MID1: variants seen among roughly 807,000 people sequenced by gnomAD.
MID1 encodes E3 ubiquitin-protein ligase Midline-1.
In MID1, 7 loss-of-function variants were observed where a neutral mutation model predicts 40.4. The ratio of observed to expected loss-of-function variants is 0.17; its 90% CI spans 0.10 to 0.33. The LOEUF is 0.33. Ranked by LOEUF, MID1 falls within the 10% of genes least tolerant of loss-of-function variation. MID1 has a pLI of 1.00. For missense variants in MID1, 367 were observed against 558.5 expected (o/e 0.66, Z 3.46); for synonymous variants, 229 against 221.2 (o/e 1.04, Z -0.31).
At position 10,620,449 on chromosome X, in the gene MID1, C is replaced by T. The variant is rs1423084359; in HGVS notation, c.-216G>A. 1 of 113,017 alleles carries T rather than the reference C, an allele frequency of 8.8e-6. No homozygotes were observed. The highest frequency in any genetic ancestry group is 1.9e-5 in the Non-Finnish European group (1 of 53,315). 9.3% of individuals were successfully genotyped at this position (113,017 alleles called of 1,213,427 possible). On this transcript the variant is annotated 5_prime_UTR_variant, in exon 1 of 10. Transcript: ENST00000317552. ...GGGCAGCAAAGAGCACGTTTTCGTC[C>T]TCTTTTTCTTTGATCTGTTGCTACA... is the stretch of plus-strand genomic sequence containing the variant.
intron 1 of MID1, among the ~76,000 whole-genome samples, chrX:10,661,848 T>A (rs186641109): frequency 8.9e-6 from 1 of 111,814 alleles, no homozygotes; most frequent in East Asian, 2.8e-4. Flanking sequence ...CCCCGAATTT[T>A]CAACTTGTTC....
upstream of MID1, chrX:10,620,614 C>T (rs776988089): frequency 8.9e-6 from 1 of 111,883 alleles, no homozygotes; most frequent in African/African-American, 3.3e-5. Context: ...TGGCTTGGGC[C>T]GCGGAGGAGC....
chrX:10,506,195 A>G, intron 3 of MID1: 1 of 954,514 alleles, frequency 1.0e-6, no homozygotes, highest in Non-Finnish European at 1.3e-6. Context: ...TTCAAACACA[A>G]TGAAAGAGAC....
At chrX:10,540,997 C>A (rs1933448368) in intron 2 of MID1, among the ~76,000 whole-genome samples, 1 of 112,114 alleles carries the variant, frequency 8.9e-6, no homozygotes, top group Non-Finnish European at 1.9e-5. Context: ...AATTTCAGAG[C>A]TATGCGGGTG....
At chrX:10,597,984 A>G (rs1935445433) in intron 1 of MID1, among the ~76,000 whole-genome samples, 1 of 111,693 alleles carries the variant, frequency 9.0e-6, no homozygotes, top group Non-Finnish European at 1.9e-5. Flanking sequence ...TTTTGAGGGC[A>G]GATGAACACA....
chrX:10,642,206 A>T (rs1363964005), intron 1 of MID1, among the ~76,000 whole-genome samples: 3 of 111,968 alleles, frequency 2.7e-5, no homozygotes, highest in Non-Finnish European at 5.6e-5. Context: ...GTATTCAATT[A>T]GGAAAAGAGG....
chrX:10,699,221 T>A (rs935554427), intron 1 of MID1, among the ~76,000 whole-genome samples: 2 of 112,097 alleles, frequency 1.8e-5, no homozygotes, highest in African/African-American at 6.5e-5. Context: ...ATTTTTTTCC[T>A]TCTCAACATG....
intron 1 of MID1, among the ~76,000 whole-genome samples, chrX:10,615,606 C>T (rs969898167): frequency 2.7e-5 from 3 of 111,515 alleles, no homozygotes; most frequent in African/African-American, 6.5e-5. Flanking sequence ...TTTTGTTCTG[C>T]GCCTCAATTT....
chrX:10,674,958 C>T (rs1193131327), intron 1 of MID1, among the ~76,000 whole-genome samples: 2 of 112,227 alleles, frequency 1.8e-5, no homozygotes, highest in Non-Finnish European at 3.8e-5. Context: ...AATGTGCATG[C>T]AAAGAAACTG....
At chrX:10,697,001 C>A (rs2043167025) in intron 1 of MID1, among the ~76,000 whole-genome samples, 1 of 112,015 alleles carries the variant, frequency 8.9e-6, no homozygotes, top group African/African-American at 3.3e-5. Context: ...AGTAAGAAAT[C>A]TTTACTTTCT....
At chrX:10,564,244 T>G (rs1934442145) in intron 2 of MID1, among the ~76,000 whole-genome samples, 1 of 111,959 alleles carries the variant, frequency 8.9e-6, no homozygotes, top group African/African-American at 3.2e-5. Flanking sequence ...TTCCTTGGTT[T>G]TGGTCCTCTT....
chrX:10,644,302 A>G (rs1452858322), intron 1 of MID1, among the ~76,000 whole-genome samples: 1 of 110,639 alleles, frequency 9.0e-6, no homozygotes, highest in African/African-American at 3.3e-5. Flanking sequence ...TCTCATTAAA[A>G]AAAAGAACCA....
intron 2 of MID1, among the ~76,000 whole-genome samples, chrX:10,547,458 G>A: frequency 9.4e-6 from 1 of 106,724 alleles, no homozygotes; most frequent in Non-Finnish European, 1.9e-5. Context: ...TGTAATCCTA[G>A]CTACTCGGGA....
intron 1 of MID1, among the ~76,000 whole-genome samples, chrX:10,591,000 T>C (rs959923178): frequency 5.4e-5 from 6 of 111,378 alleles, no homozygotes; most frequent in African/African-American, 2.0e-4. Flanking sequence ...GTACATTTTA[T>C]CCATTGAATC....
At chrX:10,510,063 A>G (rs1432367050) in intron 3 of MID1, among the ~76,000 whole-genome samples, 2 of 112,170 alleles carry the variant, frequency 1.8e-5, no homozygotes, top group Non-Finnish European at 3.8e-5. Flanking sequence ...TACATCTAAT[A>G]AATTTTATGA....
At chrX:10,473,337 T>C (rs1929815611) in intron 6 of MID1, among the ~76,000 whole-genome samples, 1 of 112,414 alleles carries the variant, frequency 8.9e-6, no homozygotes, top group South Asian at 3.7e-4. Context: ...ATACGGTAAA[T>C]GCTTTTTTAG....
chrX:10,567,416 G>A lies in MID1; in HGVS notation c.132C>T (p.Thr44=). 1 of 1,209,767 alleles carries A rather than the reference G, an allele frequency of 8.3e-7. No homozygotes were observed. The highest frequency in any genetic ancestry group is 1.1e-6 in the Non-Finnish European group (1 of 893,992). ...AHRILVSHCA[T]NESVESITAF... ...CGGTGATGGACTCCACAGACTCGTT[G>A]GTGGCACAGTGTGATACTAGGATGC... The change falls in exon 2 of 10, where the codon ACC becomes ACT. Residue 44 remains threonine (T), a synonymous_variant. Transcript: ENST00000317552.
At chrX:10,568,583 A>G (rs1216338965) in intron 1 of MID1, among the ~76,000 whole-genome samples, 1 of 111,217 alleles carries the variant, frequency 9.0e-6, no homozygotes, top group Admixed American at 9.5e-5. Context: ...TGTTGCCAGC[A>G]ACAGGCCAGG....
intron 5 of MID1, among the ~76,000 whole-genome samples, chrX:10,476,900 A>G (rs980628947): frequency 9.8e-5 from 11 of 112,250 alleles, no homozygotes; most frequent in African/African-American, 3.6e-4. Context: ...TGGTCAAGTT[A>G]TACTTTAAAA....
Sources: allele counts gnomAD v4.1 joint callset (sites outside exome capture counted in the v4.1 genomes callset), GRCh38; gene constraint gnomAD v4.1.1; transcripts MANE v1.5; gene names NCBI Gene and HGNC (gene_info 2026-07-23, HGNC 2026-07-21).